TNNT3: variants seen among roughly 807,000 people sequenced by gnomAD.
TNNT3 encodes troponin T, fast skeletal muscle.
TNNT3 carries 36 observed loss-of-function variants against 54.2 expected under a neutral mutation model. The ratio of observed to expected loss-of-function variants is 0.66; its 90% CI spans 0.51 to 0.88. The LOEUF (loss-of-function observed/expected upper bound fraction) is 0.88. Ranked by LOEUF, TNNT3 falls within the 40% of genes least tolerant of loss-of-function variation. TNNT3 has a pLI of 0.00. For missense variants in TNNT3, 291 were observed against 331.6 expected (o/e 0.88, Z 0.95); for synonymous variants, 120 against 109.7 (o/e 1.09, Z -0.59).
At chr11:1,924,471 T>C (rs1218926700) in intron 4 of TNNT3, among the ~76,000 whole-genome samples, 1 of 152,262 alleles carries the variant, frequency 6.6e-6, no homozygotes, top group African/African-American at 2.4e-5. Context: ...CTGAGTGCTA[T>C]GTTTTGAAAA....
intron 5 of TNNT3, 56 bp from the exon 6 acceptor site, chr11:1,926,639 C>T (rs2133317250): frequency 6.2e-7 from 1 of 1,612,704 alleles, no homozygotes; most frequent in Non-Finnish European, 8.5e-7. Flanking sequence ...TGCCACCACT[C>T]ACACTGGTCC....
chr11:1,934,114 G>A, intron 11 of TNNT3, 106 bp downstream of exon 11: 1 of 1,328,642 alleles, frequency 7.5e-7, no homozygotes, highest in Non-Finnish European at 1.1e-6. Flanking sequence ...ATTGTCATTG[G>A]CCAATGATCA....
At position 1,926,449 on chromosome 11, in the gene TNNT3, T is replaced by G. The variant is rs775290514; in HGVS notation, c.68-246T>G. ...ACCCGCGGTTTTGCCTCTTGTTCCGTGGCCTCCTTGGCCCGTGAAGTTCAT... is the reference window on the plus strand; with the variant it reads ...ACCCGCGGTTTTGCCTCTTGTTCCGGGGCCTCCTTGGCCCGTGAAGTTCAT... On this transcript the variant is annotated intron_variant, in intron 5 of 15. Transcript: ENST00000278317. The G allele has an allele frequency of 3.1e-6, 5 of 1,613,212 alleles. No individual in the cohort carries two copies. The Admixed American group carries it at 6.7e-5, about 21-fold the overall frequency.
intron 1 of TNNT3, among the ~76,000 whole-genome samples, chr11:1,922,158 G>C (rs1369604922): frequency 6.6e-6 from 1 of 152,202 alleles, no homozygotes; most frequent in Non-Finnish European, 1.5e-5. Context: ...CTGGGGCTCA[G>C]CCTCAATGTT....
At chr11:1,935,801 C>T (rs1399154567) in intron 14 of TNNT3, among the ~76,000 whole-genome samples, 1 of 152,004 alleles carries the variant, frequency 6.6e-6, no homozygotes, top group Non-Finnish European at 1.5e-5. Flanking sequence ...AGGTGTGGGG[C>T]GACCAGTCCA....
At chr11:1,921,709 G>A (rs577810809) in intron 1 of TNNT3, 3 of 152,368 alleles carry the variant, frequency 2.0e-5, no homozygotes, top group Admixed American at 6.5e-5. Context: ...GCAGTGCAAC[G>A]TAGATGCATT....
At chr11:1,929,001 G>T in intron 6 of TNNT3, 119 bp from the exon 7 acceptor site, 1 of 1,170,454 alleles carries the variant, frequency 8.5e-7, no homozygotes. Flanking sequence ...CTGGAGAAGA[G>T]AGTGTCCGAG....
rs1854336858 is a variant in TNNT3 at position 1,934,404 on chromosome 11, C to A, written c.439C>A (p.Leu147Met). ...GGACGACCTGAAGAAGAAGAAAGCT[C>A]TGTCTTCCATGGGAGCCAACTACAG... ...AEDDLKKKKA[L>M]SSMGANYSSY... Residue 147 changes from leucine to methionine, a missense_variant, in exon 12 of 16, where the codon CTG becomes ATG. Leu to Met is a conservative substitution (Grantham distance 15). Transcript: ENST00000278317. 1.2e-6 allele frequency: 2 copies of A among 1,613,842 alleles called. No homozygotes were observed. The highest frequency in any genetic ancestry group is 1.1e-5 in the South Asian group (1 of 91,090).
intron 14 of TNNT3, chr11:1,936,241 ATGC>A (rs1564834163): frequency 1.2e-6 from 2 of 1,613,864 alleles, no homozygotes; most frequent in South Asian, 1.1e-5. Context: ...CAGAGTGCAG[ATGC>A]TGGCCAAGTT....
rs539437095 is a variant in TNNT3, at chr11:1,938,562, C to T, written c.*70C>T. Reference sequence around the variant, plus strand: ...GCACACCAGGGCCGCTCGTGGGACTCCACATCCTCCAGCCCCCACAATCCT... The same window carrying T: ...GCACACCAGGGCCGCTCGTGGGACTTCACATCCTCCAGCCCCCACAATCCT... On this transcript the variant is annotated 3_prime_UTR_variant, in exon 16 of 16. Coordinates refer to ENST00000278317, the MANE Select transcript of TNNT3 (RefSeq NM_006757.4). 1.4e-6 allele frequency: 2 copies of T among 1,478,398 alleles called. No individual in the cohort carries two copies. The highest frequency in any genetic ancestry group is 1.8e-5 in the Admixed American group (1 of 55,808). 91.6% of individuals were successfully genotyped at this position (1,478,398 alleles called of 1,614,324 possible).
intron 1 of TNNT3, among the ~76,000 whole-genome samples, chr11:1,922,555 G>C (rs1230987022): frequency 3.9e-5 from 6 of 152,134 alleles, no homozygotes; most frequent in African/African-American, 1.2e-4. Context: ...TGCCCTGGGT[G>C]GGGGTGGACG....
chr11:1,935,974 C>A (rs780902384), intron 14 of TNNT3, among the ~76,000 whole-genome samples: 74 of 152,192 alleles, frequency 4.9e-4, no homozygotes, highest in Non-Finnish European at 9.4e-4. Flanking sequence ...TGACCTCACC[C>A]TTGGGGCTCT....
intron 4 of TNNT3, among the ~76,000 whole-genome samples, chr11:1,924,518 C>A (rs555467982): frequency 1.3e-5 from 2 of 152,344 alleles, no homozygotes; most frequent in Admixed American, 1.3e-4. Flanking sequence ...ACAACGTGAG[C>A]AAAACATTTA....
intron 4 of TNNT3, chr11:1,924,821 C>T (rs1019693838): frequency 1.3e-5 from 8 of 597,230 alleles, no homozygotes; most frequent in Middle Eastern, 8.8e-4. Context: ...ATACCAGGCC[C>T]CCAGGAGGGT....
chr11:1,920,668 C>T (rs960218765), intron 1 of TNNT3, among the ~76,000 whole-genome samples: 2 of 152,174 alleles, frequency 1.3e-5, no homozygotes, highest in Non-Finnish European at 2.9e-5. Context: ...GCCCTGGCCC[C>T]GTCACCTCCC....
At chr11:1,923,630 C>G in intron 4 of TNNT3, 58 bp downstream of exon 4, 1 of 1,273,792 alleles carries the variant, frequency 7.9e-7, no homozygotes, top group Non-Finnish European at 1.1e-6. Context: ...TAACCCCCCT[C>G]TCCCGTGTGG....
At chr11:1,938,257 C>A in intron 15 of TNNT3, 181 bp from the exon 16 acceptor site, 1 of 700,062 alleles carries the variant, frequency 1.4e-6, no homozygotes. Flanking sequence ...GACCTAGGCC[C>A]GCCAGGCACA....
In TNNT3 at chr11:1,934,884, G is replaced by A. The variant is rs1366672480; in HGVS notation, c.646G>A (p.Glu216Lys). ...GCACCAGCTGGAGATTGACAAGTTC[G>A]AGTTTGGGGAGAAGCTGAAACGCCA... ...TLHQLEIDKF[E>K]FGEKLKRQKY... Residue 216 changes from glutamate (E) to lysine (K), a missense_variant, in exon 14 of 16, where the codon GAG becomes AAG. By Grantham distance (56) the Glu-to-Lys change is moderately conservative. Transcript: ENST00000278317. 2.5e-5 allele frequency: 40 copies of A among 1,613,544 alleles called. No individual in the cohort carries two copies. In the Admixed American group the frequency reaches 4.8e-4, roughly 19 times the overall value.
At chr11:1,937,061 G>T (rs968752339) in intron 15 of TNNT3, 58 bp downstream of exon 15, 2 of 1,526,884 alleles carry the variant, frequency 1.3e-6, no homozygotes, top group Non-Finnish European at 1.8e-6. Context: ...GGGGCCAGCC[G>T]CTGTAGCCAG....
Sources: gnomAD v4.1 joint callset for allele counts (sites outside exome capture counted in the v4.1 genomes callset) on GRCh38, gnomAD v4.1.1 for gene constraint, MANE v1.5 for transcripts, NCBI Gene and HGNC (gene_info 2026-07-23, HGNC 2026-07-21) for gene names.